Variants in FLRT2 observed in about 807,000 individuals in gnomAD.
FLRT2 encodes fibronectin leucine rich transmembrane protein 2.
Under a neutral mutation model 40.0 loss-of-function variants are expected in FLRT2, and 15 were observed. The ratio of observed to expected loss-of-function variants is 0.38; its 90% CI spans 0.25 to 0.58. The LOEUF is 0.58. FLRT2 is among the 20% of genes least tolerant of loss of function. The pLI is 0.71. For missense variants in FLRT2, 726 were observed against 840.0 expected (o/e 0.86, Z 1.68); for synonymous variants, 380 against 336.8 (o/e 1.13, Z -1.41).
intron 1 of FLRT2, among the ~76,000 whole-genome samples, chr14:85,570,397 G>T (rs1294623560): frequency 1.3e-5 from 2 of 152,100 alleles, no homozygotes; most frequent in Non-Finnish European, 2.9e-5. Flanking sequence ...AGTATTAGAA[G>T]TATCCAAATG....
intron 1 of FLRT2, among the ~76,000 whole-genome samples, chr14:85,551,540 G>A (rs540316344): frequency 2.7e-4 from 41 of 152,188 alleles, no homozygotes; most frequent in African/African-American, 9.9e-4. Flanking sequence ...TTATTGTTGT[G>A]GCTATGATGT....
At position 85,634,548 on chromosome 14, in the gene FLRT2, G is replaced by T. The variant is rs1412744720; in HGVS notation, c.*11051G>T. The stretch of plus-strand genomic sequence containing the variant: ...TGTGTCTATAAGACTGTAGCCTATT[G>T]GATGGGAAGTTATATTATGAAAACA... On this transcript the variant is annotated 3_prime_UTR_variant, in exon 2 of 2. Coordinates refer to ENST00000330753, the MANE Select transcript of FLRT2 (RefSeq NM_013231.6). 1 of 152,144 alleles carries T rather than the reference G, an allele frequency of 6.6e-6. No homozygotes were observed. The highest frequency in any genetic ancestry group is 1.5e-5 in the Non-Finnish European group (1 of 68,016). 9.4% of individuals were successfully genotyped at this position (152,144 alleles called of 1,614,324 possible).
rs1022014090 is a variant in FLRT2, at chr14:85,624,283, C to G, written c.*786C>G. 3 of 167,012 alleles carry G rather than the reference C, an allele frequency of 1.8e-5. No individual in the cohort carries two copies. In the Admixed American group the frequency reaches 2.0e-4, roughly 11 times the overall value. 10.3% of individuals were successfully genotyped at this position (167,012 alleles called of 1,614,324 possible). A position where few individuals can be genotyped will look rare whatever the true frequency, so the allele number is the denominator to read the frequency against. On this transcript the variant is annotated 3_prime_UTR_variant, in exon 2 of 2. Coordinates refer to ENST00000330753, the MANE Select transcript of FLRT2 (RefSeq NM_013231.6). Reference sequence around the variant, plus strand: ...AGTCTGATGTTGTAGCAAGAAGACTCCCTTTAAAAGTGTTACTGTTCAAAT... The same window carrying G: ...AGTCTGATGTTGTAGCAAGAAGACTGCCTTTAAAAGTGTTACTGTTCAAAT...
In FLRT2 at chr14:85,643,329, T is replaced by TCC; in HGVS notation, c.*19832_*19833insCC. ...TTTCTTTCTTTCTTTCTTTCTTTCT[T>TCC]TCTTTCTTTCTTTCTTTCTTTCTTT... On this transcript the variant is annotated 3_prime_UTR_variant, in exon 2 of 2. Transcript: ENST00000330753. 4 of 116,976 alleles carry TCC rather than the reference T, an allele frequency of 3.4e-5. No individual in the cohort carries two copies. Among genetic ancestry groups the TCC allele is most frequent in the African/African-American group, 1.4e-4 (4 of 27,660 alleles). 7.2% of individuals were successfully genotyped at this position (116,976 alleles called of 1,614,324 possible).
intron 1 of FLRT2, among the ~76,000 whole-genome samples, chr14:85,594,445 C>T (rs186874633): frequency 6.6e-6 from 1 of 152,238 alleles, no homozygotes; most frequent in Admixed American, 6.5e-5. Flanking sequence ...TCCCTCATAC[C>T]TGTAAGTCTC....
intron 1 of FLRT2, chr14:85,559,403 A>C (rs2139841242): frequency 6.6e-6 from 1 of 152,328 alleles, no homozygotes; most frequent in Admixed American, 6.5e-5. Context: ...AAGAAGAAGG[A>C]ATACTGGATG....
At chr14:85,572,524 G>A (rs1890941245) in intron 1 of FLRT2, among the ~76,000 whole-genome samples, 1 of 152,156 alleles carries the variant, frequency 6.6e-6, no homozygotes, top group Non-Finnish European at 1.5e-5. Flanking sequence ...TTCATGGCAG[G>A]GGTTGTTATT....
intron 1 of FLRT2, among the ~76,000 whole-genome samples, chr14:85,551,303 A>G (rs1204916694): frequency 2.0e-5 from 3 of 152,166 alleles, no homozygotes; most frequent in African/African-American, 7.2e-5. Context: ...ATGTGGGACC[A>G]TTTGATCATA....
At chr14:85,548,015 G>C (rs1328458703) in intron 1 of FLRT2, among the ~76,000 whole-genome samples, 1 of 152,204 alleles carries the variant, frequency 6.6e-6, no homozygotes, top group Admixed American at 6.5e-5. Flanking sequence ...TGACTGAATA[G>C]AATGAGAGCC....
At chr14:85,568,343 A>G (rs1209889591) in intron 1 of FLRT2, among the ~76,000 whole-genome samples, 2 of 152,098 alleles carry the variant, frequency 1.3e-5, no homozygotes, top group African/African-American at 2.4e-5. Flanking sequence ...CTGCTTCTGC[A>G]CTTGAAATGC....
At chr14:85,620,862 G>T (rs1239069202) in intron 1 of FLRT2, among the ~76,000 whole-genome samples, 1 of 152,154 alleles carries the variant, frequency 6.6e-6, no homozygotes, top group African/African-American at 2.4e-5. Context: ...ATAAAGAATA[G>T]ATAAAAGAGA....
rs1894159403 is a variant in FLRT2 at position 85,641,970 on chromosome 14, A to G, written c.*18473A>G. Reference sequence around the variant, plus strand: ...ATTGCTTCAGAATTTTATGATGAGAATGTAAATATAATAATTGTGAGGTAG... The same window carrying G: ...ATTGCTTCAGAATTTTATGATGAGAGTGTAAATATAATAATTGTGAGGTAG... On this transcript the variant is annotated 3_prime_UTR_variant, in exon 2 of 2. Transcript: ENST00000330753. 1 of 152,144 alleles carries G rather than the reference A, an allele frequency of 6.6e-6. No individual in the cohort carries two copies. Among genetic ancestry groups the G allele is most frequent in the African/African-American group, 2.4e-5 (1 of 41,426 alleles). The allele number at this position is 152,144 out of a possible 1,614,324, so 9.4% of individuals were successfully genotyped here.
chr14:85,643,331 CTTTCTTTCTTTCTTTCTTT>C lies in FLRT2; in HGVS notation c.*19835_*19853del, dbSNP rs1566774468. On this transcript the variant is annotated 3_prime_UTR_variant, in exon 2 of 2. Coordinates refer to ENST00000330753, the MANE Select transcript of FLRT2 (RefSeq NM_013231.6). ...TCTTTCTTTCTTTCTTTCTTTCTTT[CTTTCTTTCTTTCTTTCTTT>C]CTTTCTTCCTTCCTTCCTTCCTTCC... 1.6e-4 allele frequency: 19 copies of C among 116,292 alleles called. 1 individual carries two copies. Among genetic ancestry groups the C allele is most frequent in the East Asian group, 2.8e-4 (1 of 3,616 alleles). The allele number at this position is 116,292 out of a possible 1,614,324, so 7.2% of individuals were successfully genotyped here.
In FLRT2 at chr14:85,636,267, A is replaced by G. The variant is rs1462891989; in HGVS notation, c.*12770A>G. ...TAGTATTTTTAAAAGAATTTATCAA[A>G]GTAACTATAATAAAAGTATTTAATG... On this transcript the variant is annotated 3_prime_UTR_variant, in exon 2 of 2. Coordinates refer to ENST00000330753, the MANE Select transcript of FLRT2 (RefSeq NM_013231.6). The G allele has an allele frequency of 6.6e-6, 1 of 151,970 alleles. No homozygotes were observed. Among genetic ancestry groups the G allele is most frequent in the African/African-American group, 2.4e-5 (1 of 41,402 alleles). The allele number at this position is 151,970 out of a possible 1,614,324, so 9.4% of individuals were successfully genotyped here.
chr14:85,633,752 A>G lies in FLRT2; in HGVS notation c.*10255A>G, dbSNP rs747640632. On this transcript the variant is annotated 3_prime_UTR_variant, in exon 2 of 2. Transcript: ENST00000330753. The stretch of plus-strand genomic sequence containing the variant: ...GAGATCAAGATTACATTGAGCTCTG[A>G]TTGTGCCACTGCACTCCAGCTTAGG... 9 of 151,588 alleles carry G rather than the reference A, an allele frequency of 5.9e-5. No homozygotes were observed. The highest frequency in any genetic ancestry group is 2.0e-4 in the East Asian group (1 of 5,120). The allele number at this position is 151,588 out of a possible 1,614,324, so 9.4% of individuals were successfully genotyped here. A position where few individuals can be genotyped will look rare whatever the true frequency, so the allele number is the denominator to read the frequency against.
intron 1 of FLRT2, among the ~76,000 whole-genome samples, chr14:85,597,280 A>G (rs914740521): frequency 2.0e-5 from 3 of 152,232 alleles, no homozygotes; most frequent in Admixed American, 2.0e-4. Context: ...CATGAACTAC[A>G]TTTATATATA....
chr14:85,651,025 T>C lies in FLRT2; in HGVS notation c.*27528T>C, dbSNP rs1265551677. ...CACTGGCCTGTTTTGTTTTTCTTAA[T>C]ATAAGGCTATACATTTCCCTCTAAG... On this transcript the variant is annotated 3_prime_UTR_variant, in exon 2 of 2. Coordinates refer to ENST00000330753, the MANE Select transcript of FLRT2 (RefSeq NM_013231.6). 1 of 151,972 alleles carries C rather than the reference T, an allele frequency of 6.6e-6. No homozygotes were observed. Among genetic ancestry groups the C allele is most frequent in the African/African-American group, 2.4e-5 (1 of 41,402 alleles). 9.4% of individuals were successfully genotyped at this position (151,972 alleles called of 1,614,324 possible). A position where few individuals can be genotyped will look rare whatever the true frequency, so the allele number is the denominator to read the frequency against.
At chr14:85,583,336 CAACA>C (rs1456535196) in intron 1 of FLRT2, among the ~76,000 whole-genome samples, 2 of 152,120 alleles carry the variant, frequency 1.3e-5, no homozygotes, top group Non-Finnish European at 2.9e-5. Flanking sequence ...ATCAGAAATT[CAACA>C]AACAGTCTTA....
intron 1 of FLRT2, among the ~76,000 whole-genome samples, chr14:85,554,010 A>G (rs536495692): frequency 6.6e-6 from 1 of 152,326 alleles, no homozygotes; most frequent in East Asian, 1.9e-4. Flanking sequence ...CACTGGAAAG[A>G]AAAATCTCAT....
Sources: allele counts gnomAD v4.1 joint callset (sites outside exome capture counted in the v4.1 genomes callset), GRCh38; gene constraint gnomAD v4.1.1; transcripts MANE v1.5; gene names NCBI Gene and HGNC (gene_info 2026-07-23, HGNC 2026-07-21).